The following COPS5 variants were observed in gnomAD, a reference collection of about 807,000 sequenced individuals.
COPS5 encodes COP9 signalosome subunit 5.
COPS5 carries 8 observed loss-of-function variants against 44.4 expected under a neutral mutation model. The ratio of observed to expected loss-of-function variants is 0.18; its 90% CI spans 0.11 to 0.32. The LOEUF (loss-of-function observed/expected upper bound fraction) is 0.32. Ranked by LOEUF, COPS5 falls within the 10% of genes least tolerant of loss-of-function variation. The probability of loss-of-function intolerance (pLI) is 1.00; values close to 1 mark genes in which losing one functional copy is unlikely to be tolerated. For missense variants in COPS5, 159 were observed against 406.4 expected, an observed-to-expected ratio of 0.39 and a Z score of 5.23; for synonymous variants, 122 against 142.8, an observed-to-expected ratio of 0.85 and a Z score of 1.04.
intron 5 of COPS5, 27 bp downstream of exon 5, chr8:67,056,492 G>C (rs1203913751): frequency 1.2e-6 from 1 of 859,662 alleles, no homozygotes. Flanking sequence ...ACCGTGCCTG[G>C]CCCAGATATG....
chr8:67,052,216 T>C (rs987174285), intron 5 of COPS5, among the ~76,000 whole-genome samples: 1 of 152,020 alleles, frequency 6.6e-6, no homozygotes, highest in African/African-American at 2.4e-5. Context: ...AGGGTAAACA[T>C]TTTTGAGTCT....
In COPS5 at chr8:67,043,235, A is replaced by T; in HGVS notation, c.1003T>A (p.Ter335LysextTer9). The T allele has an allele frequency of 6.6e-7, 1 of 1,520,750 alleles. No homozygotes were observed. The highest frequency in any genetic ancestry group is 9.1e-7 in the Non-Finnish European group (1 of 1,098,656). The allele number at this position is 1,520,750 out of a possible 1,614,324, so 94.2% of individuals were successfully genotyped here. A position where few individuals can be genotyped will look rare whatever the true frequency, so the allele number is the denominator to read the frequency against. The change falls in exon 8 of 8, where the codon TAA becomes AAA. Residue 335 changes from the stop codon to lysine, a stop_lost. Coordinates refer to ENST00000357849, the MANE Select transcript of COPS5 (RefSeq NM_006837.3). Reference protein sequence around the residue: ...DKLFNQINIS* With the variant: ...DKLFNQINISK The stretch of plus-strand genomic sequence containing the variant: ...GTAAAGTACTTCTCAGAGACTGTTT[A>T]AGAGATGTTAATTTGATTAAACAGT...
At chr8:67,047,868 A>G in intron 6 of COPS5, 1 of 702,578 alleles carries the variant, frequency 1.4e-6, no homozygotes, top group Middle Eastern at 2.3e-4. Context: ...CTCTAAGGAA[A>G]CAACACATAT....
At chr8:67,055,038 A>G (rs953680815) in intron 5 of COPS5, among the ~76,000 whole-genome samples, 8 of 152,232 alleles carry the variant, frequency 5.3e-5, no homozygotes, top group African/African-American at 1.7e-4. Flanking sequence ...GACCCTGTAA[A>G]CAGATACTCA....
At chr8:67,045,779 G>A (rs1182147313) in intron 7 of COPS5, 33 bp downstream of exon 7, 1 of 1,610,908 alleles carries the variant, frequency 6.2e-7, no homozygotes, top group Non-Finnish European at 8.5e-7. Context: ...AAAAGAGTTA[G>A]GGGCAACAGG....
chr8:67,057,898 C>G (rs1232738258), intron 3 of COPS5, among the ~76,000 whole-genome samples, 185 bp downstream of exon 3: 1 of 152,138 alleles, frequency 6.6e-6, no homozygotes, highest in Non-Finnish European at 1.5e-5. Context: ...AGGGGAGAAG[C>G]AAGATACACA....
rs573936028 is a variant in COPS5 at position 67,051,392 on chromosome 8, C to T, written c.660-51G>A. The T allele has an allele frequency of 4.8e-4, 476 of 987,186 alleles. 4 individuals are homozygous for T. The highest frequency in any genetic ancestry group is 4.6e-3 in the South Asian group (326 of 70,566). The allele number at this position is 987,186 out of a possible 1,614,324, so 61.2% of individuals were successfully genotyped here. ...GTAAGTAAAAAAAAAAATTCAACTA[C>T]GTCACATAAAACTTATGGCCAGATT... is the stretch of plus-strand genomic sequence containing the variant. On this transcript the variant is annotated intron_variant, in intron 5 of 7. Coordinates refer to ENST00000357849, the MANE Select transcript of COPS5 (RefSeq NM_006837.3).
In COPS5 at chr8:67,055,180, T is replaced by C. The variant is rs571974294; in HGVS notation, c.659+1339A>G. Among the ~76,000 whole-genome samples the C allele has an allele frequency of 7.2e-5, 11 of 152,296 alleles. No homozygotes were observed. The South Asian group carries it at 1.2e-3, about 17-fold the overall frequency. On this transcript the variant is annotated intron_variant, in intron 5 of 7. Transcript: ENST00000357849. Reference sequence around the variant, plus strand: ...CCATAAGGAAGTCAATATGGCTGGATTGCAGACCAGCAGAAGTTCAGTGAT... The same window carrying C: ...CCATAAGGAAGTCAATATGGCTGGACTGCAGACCAGCAGAAGTTCAGTGAT...
At chr8:67,054,602 A>G (rs2129537914) in intron 5 of COPS5, among the ~76,000 whole-genome samples, 1 of 152,350 alleles carries the variant, frequency 6.6e-6, no homozygotes, top group East Asian at 1.9e-4. Flanking sequence ...ATTTACAGAA[A>G]TATGTCAGAG....
chr8:67,043,763 T>C (rs1816666217), intron 7 of COPS5: 1 of 152,244 alleles, frequency 6.6e-6, no homozygotes. Flanking sequence ...GTGAAGGCCT[T>C]AGATTTTAGA....
At chr8:67,047,605 T>C (rs1042329977) in intron 6 of COPS5, 4 of 440,458 alleles carry the variant, frequency 9.1e-6, no homozygotes, top group Admixed American at 3.7e-5. Flanking sequence ...AGAGAGAAGT[T>C]GAACATATAT....
At chr8:67,061,291 C>T in intron 1 of COPS5, 2 of 372,680 alleles carry the variant, frequency 5.4e-6, no homozygotes, top group East Asian at 8.3e-5. Flanking sequence ...GAAATAATTA[C>T]CAGCAATCAA....
chr8:67,054,169 G>A (rs761539384), intron 5 of COPS5, among the ~76,000 whole-genome samples: 1 of 151,860 alleles, frequency 6.6e-6, no homozygotes, highest in South Asian at 2.1e-4. Flanking sequence ...GGATTGGTAC[G>A]CAACACGATC....
intron 4 of COPS5, among the ~76,000 whole-genome samples, chr8:67,056,956 A>G (rs572622991): frequency 1.3e-5 from 2 of 151,938 alleles, no homozygotes; most frequent in Non-Finnish European, 2.9e-5. Context: ...AAATAGACCT[A>G]TAGATTTAGC....
chr8:67,043,722 C>T (rs531174514), intron 7 of COPS5: 4 of 152,482 alleles, frequency 2.6e-5, no homozygotes, highest in African/African-American at 9.6e-5. Flanking sequence ...AAGCATCCTC[C>T]AACAATCAGA....
chr8:67,051,714 T>C (rs1208164349), intron 5 of COPS5, among the ~76,000 whole-genome samples: 1 of 152,206 alleles, frequency 6.6e-6, no homozygotes, highest in Non-Finnish European at 1.5e-5. Flanking sequence ...TGTTAGCCTC[T>C]TTAAAATAAT....
At chr8:67,057,353 C>A in intron 4 of COPS5, 27 bp downstream of exon 4, 1 of 1,520,626 alleles carries the variant, frequency 6.6e-7, no homozygotes, top group Non-Finnish European at 9.1e-7. Context: ...CAGTGAGACT[C>A]TAACTCTTAA....
intron 5 of COPS5, among the ~76,000 whole-genome samples, chr8:67,054,169 G>C (rs761539384): frequency 1.3e-5 from 2 of 151,860 alleles, no homozygotes; most frequent in Non-Finnish European, 1.5e-5. Flanking sequence ...GGATTGGTAC[G>C]CAACACGATC....
chr8:67,057,108 A>G (rs536511652), intron 4 of COPS5, among the ~76,000 whole-genome samples: 5 of 152,238 alleles, frequency 3.3e-5, no homozygotes, highest in Admixed American at 6.5e-5. Flanking sequence ...GTAGTTTACT[A>G]TTTTGTAAAT....
Sources: gnomAD v4.1 joint callset for allele counts (sites outside exome capture counted in the v4.1 genomes callset) on GRCh38, gnomAD v4.1.1 for gene constraint, MANE v1.5 for transcripts, NCBI Gene and HGNC (gene_info 2026-07-23, HGNC 2026-07-21) for gene names.